TRERF1: variants seen among roughly 807,000 people sequenced by gnomAD.
TRERF1 encodes the protein transcriptional-regulating factor 1.
In TRERF1, 27 loss-of-function variants were observed where a neutral mutation model predicts 122.9. The observed-to-expected ratio is 0.22, with a 90% CI of 0.16 to 0.30. TRERF1 has a LOEUF of 0.30. Among genes scored for constraint, TRERF1 ranks in the 10% least tolerant of loss-of-function variants. TRERF1 has a pLI of 1.00. For synonymous variants in TRERF1, 636 were observed against 641.7 expected, an observed-to-expected ratio of 0.99 and a Z score of 0.13; for missense variants, 1,248 against 1,560.3, an observed-to-expected ratio of 0.80 and a Z score of 3.37.
intron 3 of TRERF1, among the ~76,000 whole-genome samples, chr6:42,331,386 G>C (rs1470507044): frequency 6.6e-6 from 1 of 152,118 alleles, no homozygotes; most frequent in Non-Finnish European, 1.5e-5. Context: ...CTAGAGATGG[G>C]ACTAACTGAA....
intron 2 of TRERF1, among the ~76,000 whole-genome samples, chr6:42,383,160 A>C (rs1349682101): frequency 2.0e-5 from 3 of 152,152 alleles, no homozygotes; most frequent in African/African-American, 7.2e-5. Flanking sequence ...GGTCAAGGCT[A>C]CAGTGAGCTG....
chr6:42,232,591 T>C lies in TRERF1; in HGVS notation c.3278+90A>G, dbSNP rs765598964. The C allele has an allele frequency of 1.3e-5, 18 of 1,438,964 alleles. No homozygotes were observed. The highest frequency in any genetic ancestry group is 3.0e-5 in the South Asian group (2 of 67,054). 89.1% of individuals were successfully genotyped at this position (1,438,964 alleles called of 1,614,324 possible). A position where few individuals can be genotyped will look rare whatever the true frequency, so the allele number is the denominator to read the frequency against. Reference sequence around the variant, plus strand: ...TTGAGGTCTAAGTTCTTTTTTCTGATTGAAGAAACCTCAGGCCATCCTGGC... The same window carrying C: ...TTGAGGTCTAAGTTCTTTTTTCTGACTGAAGAAACCTCAGGCCATCCTGGC... On this transcript the variant is annotated intron_variant, in intron 17 of 17. Coordinates refer to ENST00000372922, the Ensembl canonical transcript of TRERF1. This position sits in a 1 kb window ranked among gnomAD's most constrained non-coding sequence, Gnocchi z 4.5.
chr6:42,407,920 T>A (rs544179865), intron 2 of TRERF1, among the ~76,000 whole-genome samples: 1 of 151,480 alleles, frequency 6.6e-6, no homozygotes, highest in Non-Finnish European at 1.5e-5. Context: ...CTATCTCGTA[T>A]CAAGTGTTTG....
intron 3 of TRERF1, among the ~76,000 whole-genome samples, chr6:42,328,813 C>T (rs945022523): frequency 6.6e-5 from 10 of 152,094 alleles, no homozygotes; most frequent in African/African-American, 1.9e-4. Flanking sequence ...CATGGGCAAC[C>T]GGCTGGGGAA....
chr6:42,430,117 G>C (rs1784265363), intron 2 of TRERF1, among the ~76,000 whole-genome samples: 1 of 151,798 alleles, frequency 6.6e-6, no homozygotes, highest in African/African-American at 2.4e-5. Flanking sequence ...GGGCCTCAGG[G>C]GGGCTAAGGA....
At chr6:42,340,746 G>A (rs59736470) in intron 3 of TRERF1, among the ~76,000 whole-genome samples, 14,346 of 152,150 alleles carry the variant, frequency 0.094, 1,030 homozygotes, top group African/African-American at 0.2. Flanking sequence ...GACTACAGAC[G>A]TGTGCCACCG....
chr6:42,421,942 C>T (rs993575812), intron 2 of TRERF1, among the ~76,000 whole-genome samples: 6 of 151,718 alleles, frequency 4.0e-5, no homozygotes, highest in Non-Finnish European at 7.4e-5. Context: ...CTGAGCCAGG[C>T]GGCTCACTTG....
At chr6:42,301,518 G>A (rs890046766) in intron 3 of TRERF1, among the ~76,000 whole-genome samples, 8 of 152,300 alleles carry the variant, frequency 5.3e-5, no homozygotes, top group South Asian at 2.1e-4. Flanking sequence ...GTGGGCCACC[G>A]TGCCCAGCCG....
intron 4 of TRERF1, among the ~76,000 whole-genome samples, chr6:42,299,205 T>A (rs544390640): frequency 2.3e-5 from 3 of 131,848 alleles, no homozygotes; most frequent in African/African-American, 8.3e-5. Flanking sequence ...TTTTTTTCTA[T>A]CTATCTATCT....
Position 42,353,487 on chromosome 6 carries a change from T to C in TRERF1, c.-371+9510A>G, listed in dbSNP as rs564277605. 2.5e-3 allele frequency among the ~76,000 whole-genome samples: 377 copies of C among 150,222 alleles called. 1 individual carries two copies. Among genetic ancestry groups the C allele is most frequent in the African/African-American group, 8.4e-3 (342 of 40,860 alleles). ...CCTACAATCCCAGCTACTCAGGAGG[T>C]TGAGGCAGGAGAATCACTTGAACCC... is the stretch of plus-strand genomic sequence containing the variant. On this transcript the variant is annotated intron_variant, in intron 3 of 17. Transcript: ENST00000372922.
Position 42,389,086 on chromosome 6 carries a change from A to G in TRERF1, c.-453-26007T>C, listed in dbSNP as rs190784549. Among the ~76,000 whole-genome samples, 1,196 of 152,258 alleles carry G rather than the reference A, an allele frequency of 7.9e-3. 8 individuals carry two copies. The highest frequency in any genetic ancestry group is 0.011 in the Admixed American group (172 of 15,292). The stretch of plus-strand genomic sequence containing the variant: ...ACAAAATACCATGGACATAAGATAG[A>G]ATTGGAGAGAGGGGGTACTTAAAAA... On this transcript the variant is annotated intron_variant, in intron 2 of 17. Coordinates refer to ENST00000372922, the Ensembl canonical transcript of TRERF1.
intron 8 of TRERF1, among the ~76,000 whole-genome samples, chr6:42,261,269 C>T (rs1777821982): frequency 6.6e-6 from 1 of 152,162 alleles, no homozygotes; most frequent in Admixed American, 6.5e-5. Context: ...GATCTCAACG[C>T]AGCACTGCAA....
Position 42,300,107 on chromosome 6 carries a change from GAGTCTTTGAAAGCCA to G in TRERF1, c.-259+516_-259+530del, listed in dbSNP as rs1434205826. Among the ~76,000 whole-genome samples the G allele has an allele frequency of 7.2e-5, 11 of 152,332 alleles. 1 individual carries two copies. The South Asian group carries it at 1.7e-3, about 23-fold the overall frequency. On this transcript the variant is annotated intron_variant, in intron 4 of 17. Transcript: ENST00000372922. ...AACCCAGTGAGAGAGGCATGTGGAA[GAGTCTTTGAAAGCCA>G]AGTCTTTGTGGTTCCTAATGGCAGA...
At chr6:42,426,220 C>T (rs974813564) in intron 2 of TRERF1, among the ~76,000 whole-genome samples, 1 of 152,214 alleles carries the variant, frequency 6.6e-6, no homozygotes, top group African/African-American at 2.4e-5. Flanking sequence ...ATGCCTACTA[C>T]ACACCGGGCA....
intron 3 of TRERF1, among the ~76,000 whole-genome samples, chr6:42,322,463 C>T (rs1288847100): frequency 6.6e-6 from 1 of 152,038 alleles, no homozygotes; most frequent in Non-Finnish European, 1.5e-5. Flanking sequence ...GAATGCAAAC[C>T]CCCTGCCCCA....
intron 4 of TRERF1, among the ~76,000 whole-genome samples, chr6:42,291,946 T>C (rs936151605): frequency 6.6e-6 from 1 of 152,114 alleles, no homozygotes; most frequent in Non-Finnish European, 1.5e-5. Context: ...GAGCACTGCT[T>C]CTGGAGTCAA....
intron 4 of TRERF1, among the ~76,000 whole-genome samples, chr6:42,281,892 G>A (rs1410938636): frequency 6.6e-6 from 1 of 152,200 alleles, no homozygotes; most frequent in Non-Finnish European, 1.5e-5. Flanking sequence ...ATGGTGGTAA[G>A]TGCATCCATC....
In TRERF1 at chr6:42,269,831, A is replaced by T. The variant is rs1779892623; in HGVS notation, c.-241T>A. On this transcript the variant is annotated 5_prime_UTR_variant, in exon 5 of 18. Transcript: ENST00000372922. This position sits in a 1 kb window ranked among gnomAD's most constrained non-coding sequence, Gnocchi z 4.9. ...GTATAGACCACACAGCACTGTGGTG[A>T]GGAGACGTCGCTCACACCTGCAAGG... 1.9e-6 allele frequency: 2 copies of T among 1,076,894 alleles called. No individual in the cohort carries two copies. The highest frequency in any genetic ancestry group is 5.7e-5 in the East Asian group (2 of 35,034). 66.7% of individuals were successfully genotyped at this position (1,076,894 alleles called of 1,614,324 possible).
At chr6:42,412,286 C>T (rs1482053939) in intron 2 of TRERF1, among the ~76,000 whole-genome samples, 1 of 152,198 alleles carries the variant, frequency 6.6e-6, no homozygotes, top group East Asian at 1.9e-4. Flanking sequence ...CAGGCGTGAG[C>T]CACCACGCCC....
Sources: allele counts gnomAD v4.1 joint callset (sites outside exome capture counted in the v4.1 genomes callset), GRCh38; gene constraint gnomAD v4.1.1; non-coding constraint Gnocchi (gnomAD v3.1); transcripts MANE v1.5; gene names NCBI Gene and HGNC (gene_info 2026-07-23, HGNC 2026-07-21).